TBC1D21: variants seen among roughly 807,000 people sequenced by gnomAD.
The protein encoded by TBC1D21 is male germ cell Rab GTPase-activating protein.
In TBC1D21, 38 loss-of-function variants were observed where a neutral mutation model predicts 46.0. The ratio of observed to expected loss-of-function variants is 0.83; its 90% CI spans 0.64 to 1.08. The LOEUF is 1.08. Ranked by LOEUF, TBC1D21 falls within the 50% of genes least tolerant of loss-of-function variation. The pLI, the probability that TBC1D21 is intolerant of heterozygous loss-of-function variation, is 0.00. For synonymous variants in TBC1D21, 151 were observed against 157.2 expected (o/e 0.96, Z 0.29); for missense variants, 415 against 417.9 (o/e 0.99, Z 0.06).
Position 73,885,003 on chromosome 15 carries a change from A to G in TBC1D21, c.479A>G (p.Glu160Gly). The change falls in exon 6 of 11, where the codon GAG becomes GGG. Residue 160 changes from glutamate (E) to glycine (G), a missense_variant and splice_region_variant. Physicochemically the swap from Glu to Gly is moderately conservative, Grantham distance 98 (BLOSUM62 -2). Transcript: ENST00000300504. ...CTCCCCAACCCCCTCTTCGCCACAG[A>G]GTACCAGCAGGGCTTCCATGAGATG... Reference protein sequence around the residue: ...LLSYVCNTQAEYQQGFHEMMM... With the variant: ...LLSYVCNTQAGYQQGFHEMMM... 6.2e-7 allele frequency: 1 copy of G among 1,609,270 alleles called. No individual in the cohort carries two copies. Among genetic ancestry groups the G allele is most frequent in the Non-Finnish European group, 8.5e-7 (1 of 1,176,554 alleles).
intron 10 of TBC1D21, 33 bp downstream of exon 10, chr15:73,888,546 CTCT>C: frequency 7.3e-7 from 1 of 1,372,322 alleles, no homozygotes; most frequent in Non-Finnish European, 9.6e-7. Context: ...CCTCCTCCTC[CTCT>C]TCCTCCTCCT....
chr15:73,897,080 CA>C, the TBC1D21 span, among the ~76,000 whole-genome samples: 1 of 152,172 alleles, frequency 6.6e-6, no homozygotes, highest in Non-Finnish European at 1.5e-5. Context: ...TCCATTTCTC[CA>C]TCATCCCCAC....
Position 73,886,505 on chromosome 15 carries a change from C to A in TBC1D21, c.677-7C>A. 2 of 1,613,160 alleles carry A rather than the reference C, an allele frequency of 1.2e-6. No homozygotes were observed. Among genetic ancestry groups the A allele is most frequent in the Non-Finnish European group, 1.7e-6 (2 of 1,179,472 alleles). On this transcript the variant is annotated splice_polypyrimidine_tract_variant and splice_region_variant and intron_variant, in intron 7 of 10. Coordinates refer to ENST00000300504, the MANE Select transcript of TBC1D21 (RefSeq NM_153356.3). ...CCTGACCACAGCCTCACCTTCTCTC[C>A]CCACAGAAGGGAAGGGTGCAGGGGC...
chr15:73,881,335 T>TA (rs1283983025), intron 1 of TBC1D21, 64 bp from the exon 2 acceptor site: 3 of 1,263,424 alleles, frequency 2.4e-6, no homozygotes, highest in Non-Finnish European at 3.4e-6. Context: ...ACATATTATT[T>TA]AAAATCACAC....
intron 1 of TBC1D21, among the ~76,000 whole-genome samples, chr15:73,876,400 G>GGT (rs1555428976): frequency 1.5e-5 from 2 of 131,608 alleles, no homozygotes; most frequent in Non-Finnish European, 3.1e-5. Flanking sequence ...GGTAATTTTT[G>GGT]TTTTTTTTTT....
At chr15:73,904,764 A>G in the TBC1D21 span, among the ~76,000 whole-genome samples, 2 of 152,160 alleles carry the variant, frequency 1.3e-5, no homozygotes, top group African/African-American at 2.4e-5. Context: ...GTGTGTGTAG[A>G]AAAGAGAGAG....
chr15:73,876,849 G>C (rs1456484915), intron 1 of TBC1D21, among the ~76,000 whole-genome samples: 2 of 152,012 alleles, frequency 1.3e-5, no homozygotes, highest in African/African-American at 4.8e-5. Flanking sequence ...TTCACAGCTT[G>C]TGTAAGATAC....
chr15:73,876,203 T>G (rs58334089), intron 1 of TBC1D21, among the ~76,000 whole-genome samples: 715 of 7,764 alleles, frequency 0.092, 136 homozygotes, highest in South Asian at 0.16. Flanking sequence ...TTGTGGGTTT[T>G]TTTTTTTTTT....
intron 1 of TBC1D21, among the ~76,000 whole-genome samples, chr15:73,879,416 T>C (rs1009914488): frequency 1.3e-5 from 2 of 152,044 alleles, no homozygotes; most frequent in African/African-American, 2.4e-5. Flanking sequence ...TGGGGTTTTA[T>C]CATGTTGGCC....
the TBC1D21 span, among the ~76,000 whole-genome samples, chr15:73,894,743 C>T: frequency 4.6e-5 from 7 of 152,164 alleles, no homozygotes; most frequent in African/African-American, 1.7e-4. Flanking sequence ...CTATCCCTGC[C>T]CCTGCCGACC....
chr15:73,886,223 A>G, intron 7 of TBC1D21, 49 bp downstream of exon 7: 1 of 1,545,994 alleles, frequency 6.5e-7, no homozygotes, highest in Non-Finnish European at 8.9e-7. Flanking sequence ...CAGGCATGGG[A>G]AGGGGGCTGG....
chr15:73,897,837 C>G, the TBC1D21 span, among the ~76,000 whole-genome samples: 1 of 152,242 alleles, frequency 6.6e-6, no homozygotes, highest in Non-Finnish European at 1.5e-5. Flanking sequence ...GGGGAAGGAG[C>G]CTGGGACCAG....
At chr15:73,894,355 C>T in the TBC1D21 span, among the ~76,000 whole-genome samples, 3 of 152,250 alleles carry the variant, frequency 2.0e-5, no homozygotes, top group African/African-American at 7.2e-5. Flanking sequence ...CGAGATGGTC[C>T]AGGGCTGGAT....
the TBC1D21 span, among the ~76,000 whole-genome samples, chr15:73,898,902 T>TATATATATATATATATATATAC: frequency 3.6e-4 from 41 of 112,826 alleles, no homozygotes; most frequent in African/African-American, 6.8e-4. Context: ...TATATATATA[T>TATATATATATATATATATATAC]ACACACACAC....
the TBC1D21 span, among the ~76,000 whole-genome samples, chr15:73,897,735 A>G: frequency 1.3e-5 from 2 of 152,210 alleles, no homozygotes; most frequent in African/African-American, 2.4e-5. Context: ...GCTGGCCCAG[A>G]GCTGCTTTGG....
At chr15:73,896,675 C>T in the TBC1D21 span, among the ~76,000 whole-genome samples, 1 of 152,158 alleles carries the variant, frequency 6.6e-6, no homozygotes, top group African/African-American at 2.4e-5. Flanking sequence ...AGGCCCCCAA[C>T]CACAGGCCTA....
chr15:73,889,082 T>C lies in TBC1D21; in HGVS notation c.992T>C (p.Leu331Ser), dbSNP rs2068313341. ...CCTCCTCCCTAGGTTCCTCAGACATTAAAGGATTTCTTCCTCTGAGGACAC... is the reference window on the plus strand; with the variant it reads ...CCTCCTCCCTAGGTTCCTCAGACATCAAAGGATTTCTTCCTCTGAGGACAC... ...ELIQKDVPQT[L>S]KDFFL is the part of the protein sequence containing the mutation. Residue 331 changes from leucine to serine, a missense_variant, in exon 11 of 11, where the codon TTA (leucine) becomes TCA (serine). Transcript: ENST00000300504. The C allele has an allele frequency of 6.2e-7, 1 of 1,613,246 alleles. No individual in the cohort carries two copies.
chr15:73,883,637 C>A (rs2068192696), intron 3 of TBC1D21, among the ~76,000 whole-genome samples: 2 of 152,240 alleles, frequency 1.3e-5, no homozygotes, highest in South Asian at 2.1e-4. Flanking sequence ...GACTCTTTTC[C>A]CCCACATGGT....
chr15:73,882,762 A>G (rs1205279755), intron 3 of TBC1D21, among the ~76,000 whole-genome samples: 1 of 152,202 alleles, frequency 6.6e-6, no homozygotes, highest in East Asian at 1.9e-4. Context: ...GCTCAATCAG[A>G]TAATACAGGT....
Sources: gnomAD v4.1 joint callset for allele counts (sites outside exome capture counted in the v4.1 genomes callset) on GRCh38, gnomAD v4.1.1 for gene constraint, MANE v1.5 for transcripts, NCBI Gene and HGNC (gene_info 2026-07-23, HGNC 2026-07-21) for gene names.